EPHA3: variants seen among roughly 807,000 people sequenced by gnomAD.
EPHA3 encodes EPH receptor A3.
EPHA3 carries 42 observed loss-of-function variants against 107.1 expected under a neutral mutation model. That is an observed-to-expected ratio of 0.39 (90% CI 0.31 to 0.51). The LOEUF is 0.51. Among genes scored for constraint, EPHA3 ranks in the 20% least tolerant of loss-of-function variants. The pLI is 0.78. For missense variants in EPHA3, 1,183 were observed against 1,211.2 expected (o/e 0.98, Z 0.35); for synonymous variants, 461 against 424.8 (o/e 1.09, Z -1.05).
At position 89,399,345 on chromosome 3, in the gene EPHA3, C is replaced by T. The variant is rs1271431798; in HGVS notation, c.1459C>T (p.Leu487=). 3 of 1,612,512 alleles carry T rather than the reference C, an allele frequency of 1.9e-6. No homozygotes were observed. Among genetic ancestry groups the T allele is most frequent in the Non-Finnish European group, 2.5e-6 (3 of 1,179,056 alleles). ...GGAACAAGAAACAAGTTATACCATTCTGAGGGCAAGAGGCACAAATGTTAC... is the reference window on the plus strand; with the variant it reads ...GGAACAAGAAACAAGTTATACCATTTTGAGGGCAAGAGGCACAAATGTTAC... ...KQEQETSYTI[L]RARGTNVTIS... Residue 487 remains leucine (L), a synonymous_variant, in exon 7 of 17, where the codon CTG becomes TTG. Coordinates refer to ENST00000336596, the MANE Select transcript of EPHA3 (RefSeq NM_005233.6).
At chr3:89,130,762 G>A (rs369869177) in intron 2 of EPHA3, among the ~76,000 whole-genome samples, 3 of 151,964 alleles carry the variant, frequency 2.0e-5, no homozygotes, top group African/African-American at 7.3e-5. Flanking sequence ...AGCCTCCCGA[G>A]TAGTTGGGAC....
At chr3:89,147,315 C>A (rs541048188) in intron 2 of EPHA3, among the ~76,000 whole-genome samples, 1 of 151,592 alleles carries the variant, frequency 6.6e-6, no homozygotes, top group African/African-American at 2.4e-5. Context: ...CAAACCTGCA[C>A]GTTCTGCACA....
intron 5 of EPHA3, among the ~76,000 whole-genome samples, chr3:89,367,620 C>T (rs1252841648): frequency 1.3e-5 from 2 of 150,796 alleles, no homozygotes; most frequent in African/African-American, 4.8e-5. Flanking sequence ...AATTAAGATT[C>T]CTCTTATGTG....
At chr3:89,117,908 T>A (rs1292727488) in intron 1 of EPHA3, among the ~76,000 whole-genome samples, 1 of 152,072 alleles carries the variant, frequency 6.6e-6, no homozygotes, top group Non-Finnish European at 1.5e-5. Flanking sequence ...TCATGGTAGA[T>A]TTTGCTTTTT....
At chr3:89,127,538 A>G (rs1704119753) in intron 2 of EPHA3, among the ~76,000 whole-genome samples, 1 of 152,022 alleles carries the variant, frequency 6.6e-6, no homozygotes, top group Non-Finnish European at 1.5e-5. Context: ...CATCATGTCA[A>G]TGATCTAAGA....
At chr3:89,377,877 A>G (rs1708431500) in intron 5 of EPHA3, among the ~76,000 whole-genome samples, 1 of 152,202 alleles carries the variant, frequency 6.6e-6, no homozygotes, top group African/African-American at 2.4e-5. Flanking sequence ...GAAAAAAAAT[A>G]TGGAACACAT....
At chr3:89,332,942 G>A (rs1028156843) in intron 3 of EPHA3, among the ~76,000 whole-genome samples, 15 of 151,962 alleles carry the variant, frequency 9.9e-5, no homozygotes, top group African/African-American at 3.1e-4. Context: ...TTAGTCAACC[G>A]GAGACAAAAT....
At chr3:89,144,575 T>C (rs1417767249) in intron 2 of EPHA3, among the ~76,000 whole-genome samples, 7 of 151,848 alleles carry the variant, frequency 4.6e-5, no homozygotes. Flanking sequence ...TATCTGCACA[T>C]ATGAACACTT....
intron 13 of EPHA3, among the ~76,000 whole-genome samples, chr3:89,433,551 C>A (rs1485539880): frequency 6.6e-6 from 1 of 152,020 alleles, no homozygotes; most frequent in Non-Finnish European, 1.5e-5. Flanking sequence ...TTTTGTTTTT[C>A]CAATTTTCAA....
At chr3:89,339,702 G>T (rs549932537) in intron 3 of EPHA3, among the ~76,000 whole-genome samples, 1 of 152,194 alleles carries the variant, frequency 6.6e-6, no homozygotes, top group South Asian at 2.1e-4. Context: ...TGTTCACACA[G>T]GTTTTACTTT....
rs777460537 is a variant in EPHA3, at chr3:89,390,785, A to ACTTTTTTTT, written c.1307-5052_1307-5051insCTTTTTTTT. Reference sequence around the variant, plus strand: ...CTTCTTGGAAGAGAAATTGAAAAGCATTTTTTTTTTTTTTTTGAGACAGAG... The same window carrying ACTTTTTTTT: ...CTTCTTGGAAGAGAAATTGAAAAGCACTTTTTTTTTTTTTTTTTTTTTTTTGAGACAGAG... On this transcript the variant is annotated intron_variant, in intron 5 of 16. Transcript: ENST00000336596. 3.0e-5 allele frequency among the ~76,000 whole-genome samples: 4 copies of ACTTTTTTTT among 132,104 alleles called. 1 individual carries two copies. Among genetic ancestry groups the ACTTTTTTTT allele is most frequent in the African/African-American group, 1.1e-4 (4 of 35,552 alleles). 86.7% of individuals were successfully genotyped at this position (132,104 alleles called of 152,430 possible).
Position 89,204,717 on chromosome 3 carries a change from C to T in EPHA3, c.154-5143C>T, listed in dbSNP as rs186004624. Among the ~76,000 whole-genome samples the T allele has an allele frequency of 4.3e-4, 65 of 149,974 alleles. 1 individual carries two copies. The South Asian group carries it at 0.011, about 25-fold the overall frequency. On this transcript the variant is annotated intron_variant, in intron 2 of 16. Coordinates refer to ENST00000336596, the MANE Select transcript of EPHA3 (RefSeq NM_005233.6). ...AATGATTTTTGTAGATATATTTGTG[C>T]GTGACACTTGACAGTGACAGCCTTG...
intron 5 of EPHA3, among the ~76,000 whole-genome samples, chr3:89,368,913 A>T (rs1708238014): frequency 6.6e-6 from 1 of 150,604 alleles, no homozygotes; most frequent in Admixed American, 6.7e-5. Context: ...ATAGTTAGCA[A>T]CCATTAATTT....
At chr3:89,160,755 T>A (rs1704918204) in intron 2 of EPHA3, among the ~76,000 whole-genome samples, 1 of 152,082 alleles carries the variant, frequency 6.6e-6, no homozygotes, top group Non-Finnish European at 1.5e-5. Flanking sequence ...TCCAGACTTT[T>A]AATAGGAAAT....
chr3:89,399,855 C>A, intron 7 of EPHA3: 1 of 1,081,074 alleles, frequency 9.3e-7, no homozygotes, highest in Non-Finnish European at 1.1e-6. Context: ...AAGAAACTTG[C>A]TGATCCATGA....
chr3:89,198,477 T>A (rs760674903), intron 2 of EPHA3, among the ~76,000 whole-genome samples: 1 of 152,168 alleles, frequency 6.6e-6, no homozygotes, highest in Non-Finnish European at 1.5e-5. Context: ...GACCCTTAAA[T>A]CTAGGCTCCT....
At position 89,158,677 on chromosome 3, in the gene EPHA3, C is replaced by T. The variant is rs117047413; in HGVS notation, c.153+31404C>T. The stretch of plus-strand genomic sequence containing the variant: ...AGACAAGATTTGCTTTTGTATATCC[C>T]GTTGCTTCTCAAACATATTTTACAG... On this transcript the variant is annotated intron_variant, in intron 2 of 16. Transcript: ENST00000336596. 1.5e-3 allele frequency among the ~76,000 whole-genome samples: 224 copies of T among 152,072 alleles called. 4 individuals carry two copies. In the East Asian group the frequency reaches 0.033, roughly 23 times the overall value.
intron 5 of EPHA3, among the ~76,000 whole-genome samples, chr3:89,374,302 C>T (rs1004721402): frequency 7.2e-5 from 11 of 151,762 alleles, no homozygotes; most frequent in Non-Finnish European, 1.5e-4. Flanking sequence ...CATCTGAAAA[C>T]GTCATGAGTG....
chr3:89,459,969 C>T (rs1354571587), intron 15 of EPHA3, among the ~76,000 whole-genome samples: 2 of 152,064 alleles, frequency 1.3e-5, no homozygotes, highest in African/African-American at 4.8e-5. Flanking sequence ...TTTTTAAAAA[C>T]ATATTTTGAA....
Sources: allele counts gnomAD v4.1 joint callset (sites outside exome capture counted in the v4.1 genomes callset), GRCh38; gene constraint gnomAD v4.1.1; transcripts MANE v1.5; gene names NCBI Gene and HGNC (gene_info 2026-07-23, HGNC 2026-07-21).